Variants in COMMD1 observed in about 807,000 individuals in gnomAD.
COMMD1 encodes COMM domain-containing protein 1.
Under a neutral mutation model 17.2 loss-of-function variants are expected in COMMD1, and 10 were observed. The ratio of observed to expected loss-of-function variants is 0.58; its 90% CI spans 0.36 to 0.99. The LOEUF is 0.99. Ranked by LOEUF, COMMD1 falls within the 50% of genes least tolerant of loss-of-function variation. COMMD1 has a pLI of 0.01. For missense variants in COMMD1, 270 were observed against 231.8 expected (o/e 1.17, Z -1.07); for synonymous variants, 97 against 91.6 (o/e 1.06, Z -0.34).
intron 1 of COMMD1, among the ~76,000 whole-genome samples, chr2:61,968,486 A>G (rs1301445711): frequency 6.6e-6 from 1 of 152,196 alleles, no homozygotes; most frequent in East Asian, 1.9e-4. Context: ...ACTGAAGGTG[A>G]AAAGAAAGGA....
At chr2:62,055,472 G>A (rs761069550) in intron 2 of COMMD1, 51 of 455,832 alleles carry the variant, frequency 1.1e-4, no homozygotes, top group Non-Finnish European at 1.9e-4. Context: ...CATTCTCCAA[G>A]CCCACTTTGT....
chr2:62,095,082 C>T (rs1671963388), intron 2 of COMMD1, among the ~76,000 whole-genome samples: 1 of 152,192 alleles, frequency 6.6e-6, no homozygotes, highest in South Asian at 2.1e-4. Flanking sequence ...CAATAATTCT[C>T]ACAAAGGAGT....
At chr2:61,986,180 T>G (rs910283768) in intron 1 of COMMD1, among the ~76,000 whole-genome samples, 1 of 152,112 alleles carries the variant, frequency 6.6e-6, no homozygotes, top group African/African-American at 2.4e-5. Flanking sequence ...TTCAGCACTT[T>G]AAATATGTCA....
chr2:61,991,290 G>A (rs10191201), intron 1 of COMMD1, among the ~76,000 whole-genome samples: 18,682 of 152,210 alleles, frequency 0.12, 2,766 homozygotes, highest in African/African-American at 0.35. Context: ...TTGTGAATGT[G>A]TGTGAGAGAA....
chr2:61,923,050 CAA>C (rs1264350735), intron 1 of COMMD1, among the ~76,000 whole-genome samples: 1 of 152,170 alleles, frequency 6.6e-6, no homozygotes, highest in Non-Finnish European at 1.5e-5. Context: ...TATCTAGCCT[CAA>C]GAGATTTTGC....
intron 1 of COMMD1, among the ~76,000 whole-genome samples, chr2:61,943,925 TC>T (rs1185563585): frequency 6.6e-6 from 1 of 152,176 alleles, no homozygotes; most frequent in African/African-American, 2.4e-5. Flanking sequence ...TCTCGAGAGT[TC>T]CCTGTAGGGC....
chr2:61,932,056 G>A lies in COMMD1; in HGVS notation c.180+26198G>A, dbSNP rs549607553. On this transcript the variant is annotated intron_variant, in intron 1 of 2. Coordinates refer to ENST00000311832, the MANE Select transcript of COMMD1 (RefSeq NM_152516.4). ...CTCACCAAGGCTGGAGTGCAGTGGC[G>A]TGATCTCAGCTCACTGCAGCCTCGA... Among the ~76,000 whole-genome samples the A allele has an allele frequency of 4.9e-4, 74 of 152,254 alleles. 1 individual carries two copies. In the Middle Eastern group the frequency reaches 0.041, roughly 84 times the overall value.
At chr2:62,102,404 G>A (rs911790555) in intron 2 of COMMD1, among the ~76,000 whole-genome samples, 1 of 151,986 alleles carries the variant, frequency 6.6e-6, no homozygotes, top group Non-Finnish European at 1.5e-5. Context: ...GACTTAATAC[G>A]CACTCAAATA....
chr2:62,011,628 C>G lies in COMMD1; in HGVS notation c.462+10646C>G, dbSNP rs984341295. 2.0e-5 allele frequency among the ~76,000 whole-genome samples: 3 copies of G among 152,144 alleles called. No individual in the cohort carries two copies. In the South Asian group the frequency reaches 6.2e-4, roughly 32 times the overall value. ...TAAAGCATCTCCTATGTGTCAGACA[C>G]TACATAGGAGTTGAGGATGTATCAG... On this transcript the variant is annotated intron_variant, in intron 2 of 2. Coordinates refer to ENST00000311832, the MANE Select transcript of COMMD1 (RefSeq NM_152516.4).
At chr2:61,889,490 C>T (rs1043457815) in intron 1 of COMMD1, among the ~76,000 whole-genome samples, 1 of 152,098 alleles carries the variant, frequency 6.6e-6, no homozygotes, top group African/African-American at 2.4e-5. Context: ...GGATTACAGG[C>T]GTGAGCCACC....
chr2:61,934,153 G>A (rs1558526680), intron 1 of COMMD1, among the ~76,000 whole-genome samples: 3 of 152,112 alleles, frequency 2.0e-5, no homozygotes, highest in African/African-American at 4.8e-5. Flanking sequence ...TTTGAGATAG[G>A]GGTGTGTGTC....
intron 1 of COMMD1, among the ~76,000 whole-genome samples, chr2:61,948,390 G>A (rs1057281361): frequency 1.3e-5 from 2 of 151,870 alleles, no homozygotes; most frequent in African/African-American, 4.8e-5. Context: ...TGAGAGTTTC[G>A]GGACTACTTA....
chr2:61,946,238 T>C (rs1224282388), intron 1 of COMMD1, among the ~76,000 whole-genome samples: 1 of 152,234 alleles, frequency 6.6e-6, no homozygotes, highest in African/African-American at 2.4e-5. Flanking sequence ...CAGGAAAACC[T>C]AGTTATTTTT....
Position 61,959,738 on chromosome 2 carries a change from GAATT to G in COMMD1, c.181-40960_181-40957del, listed in dbSNP as rs1329535413. Among the ~76,000 whole-genome samples, 7 of 152,252 alleles carry G rather than the reference GAATT, an allele frequency of 4.6e-5. No homozygotes were observed. In the East Asian group the frequency reaches 1.3e-3, roughly 29 times the overall value. Reference sequence around the variant, plus strand: ...TGAAGTTTTTGGTGTTGCAAAAAAAGAATTAACGCCGTGACAAATGATCTCTCAG... The same window carrying G: ...TGAAGTTTTTGGTGTTGCAAAAAAAGAACGCCGTGACAAATGATCTCTCAG... On this transcript the variant is annotated intron_variant, in intron 1 of 2. Coordinates refer to ENST00000311832, the MANE Select transcript of COMMD1 (RefSeq NM_152516.4).
At chr2:62,043,898 G>C (rs917319556) in intron 2 of COMMD1, among the ~76,000 whole-genome samples, 2 of 152,104 alleles carry the variant, frequency 1.3e-5, no homozygotes, top group African/African-American at 2.4e-5. Context: ...TTTTCCTGAT[G>C]CTATGTCAGT....
At chr2:61,968,449 G>T (rs1671561940) in intron 1 of COMMD1, among the ~76,000 whole-genome samples, 1 of 152,086 alleles carries the variant, frequency 6.6e-6, no homozygotes, top group African/African-American at 2.4e-5. Flanking sequence ...ATAATTAATT[G>T]TACAGTAAAT....
chr2:61,949,644 A>C (rs1481932151), intron 1 of COMMD1, among the ~76,000 whole-genome samples: 6 of 149,230 alleles, frequency 4.0e-5, no homozygotes, highest in African/African-American at 1.5e-4. Flanking sequence ...TTCCAGATCA[A>C]GGCAGATTCA....
intron 2 of COMMD1, among the ~76,000 whole-genome samples, chr2:62,050,844 TAAAG>T (rs761333429): frequency 3.9e-4 from 60 of 152,162 alleles, no homozygotes; most frequent in Non-Finnish European, 8.5e-4. Flanking sequence ...TTTTTTTTCT[TAAAG>T]AAATACCTTT....
chr2:61,931,434 G>A (rs1026419461), intron 1 of COMMD1, among the ~76,000 whole-genome samples: 2 of 152,194 alleles, frequency 1.3e-5, no homozygotes, highest in East Asian at 1.9e-4. Flanking sequence ...TCACATAGTA[G>A]CGTTGCTGCT....
Sources: allele counts gnomAD v4.1 joint callset (sites outside exome capture counted in the v4.1 genomes callset), GRCh38; gene constraint gnomAD v4.1.1; transcripts MANE v1.5; gene names NCBI Gene and HGNC (gene_info 2026-07-23, HGNC 2026-07-21).